The following CLNK variants were observed in gnomAD, a reference collection of about 807,000 sequenced individuals.
CLNK encodes cytokine dependent hematopoietic cell linker, also known as cytokine-dependent hematopoietic cell linker.
Under a neutral mutation model 68.6 loss-of-function variants are expected in CLNK, and 74 were observed. The ratio of observed to expected loss-of-function variants is 1.08; its 90% confidence interval spans 0.89 to 1.31. The LOEUF (loss-of-function observed/expected upper bound fraction) is 1.31. Among genes scored for constraint, CLNK ranks in the 50% most tolerant of loss-of-function variants. CLNK has a pLI of 0.00. For synonymous variants in CLNK, 198 were observed against 172.2 expected (o/e 1.15, Z -1.17); for missense variants, 553 against 515.3 (o/e 1.07, Z -0.71).
the CLNK span, among the ~76,000 whole-genome samples, chr4:10,706,769 C>T: frequency 1.3e-5 from 2 of 152,130 alleles, no homozygotes; most frequent in Non-Finnish European, 2.9e-5. Flanking sequence ...GGCCAAGCCA[C>T]CCTGCCTTGC....
At chr4:10,693,478 G>A in the CLNK span, among the ~76,000 whole-genome samples, 42,700 of 152,140 alleles carry the variant, frequency 0.28, 6,334 homozygotes, top group Admixed American at 0.33. Context: ...TTGGAGGTAT[G>A]TGGCCACAAG....
At chr4:10,671,000 A>G (rs1724607357) in intron 1 of CLNK, among the ~76,000 whole-genome samples, 1 of 152,262 alleles carries the variant, frequency 6.6e-6, no homozygotes, top group Non-Finnish European at 1.5e-5. Context: ...AAAGTTAAAA[A>G]TATTAGTAGC....
intron 1 of CLNK, among the ~76,000 whole-genome samples, chr4:10,684,437 T>G (rs1054547221): frequency 6.6e-6 from 1 of 152,200 alleles, no homozygotes; most frequent in Non-Finnish European, 1.5e-5. Flanking sequence ...ACATTTAGTC[T>G]TTTAATTTTC....
In CLNK at chr4:10,617,638, C is replaced by A. The variant is rs560832633; in HGVS notation, c.12-19589G>T. ...AAAAATAAAGGCTTTAGCTAGTGAT[C>A]CATGAGCCAAGCCAGACTTTTGAAG... is the stretch of plus-strand genomic sequence containing the variant. On this transcript the variant is annotated intron_variant, in intron 2 of 18. Coordinates refer to ENST00000226951, the MANE Select transcript of CLNK (RefSeq NM_052964.4). Among the ~76,000 whole-genome samples the A allele has an allele frequency of 5.3e-5, 8 of 152,332 alleles. No homozygotes were observed. The East Asian group carries it at 1.2e-3, about 22-fold the overall frequency.
At chr4:10,696,963 CA>C in the CLNK span, among the ~76,000 whole-genome samples, 1 of 152,160 alleles carries the variant, frequency 6.6e-6, no homozygotes, top group Non-Finnish European at 1.5e-5. Context: ...GCATTCTAAA[CA>C]AATTCTCCTG....
chr4:10,610,608 G>T (rs1366501497), intron 2 of CLNK, among the ~76,000 whole-genome samples: 1 of 152,018 alleles, frequency 6.6e-6, no homozygotes, highest in Non-Finnish European at 1.5e-5. Context: ...ACTGTCAAGA[G>T]ATGTAGCTTT....
At chr4:10,712,430 G>T in the CLNK span, among the ~76,000 whole-genome samples, 1 of 152,110 alleles carries the variant, frequency 6.6e-6, no homozygotes. Flanking sequence ...AACCACCCTG[G>T]CTCATTTCTG....
chr4:10,632,293 C>G (rs1057464717), intron 2 of CLNK, among the ~76,000 whole-genome samples: 2 of 152,212 alleles, frequency 1.3e-5, no homozygotes, highest in Admixed American at 6.5e-5. Flanking sequence ...CCACCTCTCT[C>G]CATCTGACCT....
chr4:10,626,580 A>T (rs1253577679), intron 2 of CLNK, among the ~76,000 whole-genome samples: 2 of 152,224 alleles, frequency 1.3e-5, no homozygotes, highest in African/African-American at 4.8e-5. Flanking sequence ...GTACAAGAAA[A>T]AAACAGGAAA....
intron 2 of CLNK, among the ~76,000 whole-genome samples, chr4:10,656,343 A>G (rs1328916550): frequency 6.6e-6 from 1 of 151,688 alleles, no homozygotes; most frequent in African/African-American, 2.4e-5. Context: ...AAAAAAAAAA[A>G]AAAAAAAAAT....
At chr4:10,645,908 T>C (rs1462299477) in intron 2 of CLNK, among the ~76,000 whole-genome samples, 1 of 152,198 alleles carries the variant, frequency 6.6e-6, no homozygotes, top group Non-Finnish European at 1.5e-5. Flanking sequence ...GATTTTTTAA[T>C]GGGCTTGTGA....
At chr4:10,570,155 T>C (rs1207458441) in intron 5 of CLNK, among the ~76,000 whole-genome samples, 3 of 152,236 alleles carry the variant, frequency 2.0e-5, no homozygotes, top group Non-Finnish European at 4.4e-5. Context: ...GCCATTTACA[T>C]ACTGTTACGG....
chr4:10,605,787 C>A lies in CLNK; in HGVS notation c.12-7738G>T, dbSNP rs367635827. ...AGGTTGCAGTGAGCTGAGATCACAC[C>A]ACTGCACTGTAGCCTGGGGACAGAG... is the stretch of plus-strand genomic sequence containing the variant. On this transcript the variant is annotated intron_variant, in intron 2 of 18. Transcript: ENST00000226951. Among the ~76,000 whole-genome samples the A allele has an allele frequency of 6.9e-5, 9 of 131,224 alleles. No individual in the cohort carries two copies. The East Asian group carries it at 1.8e-3, about 27-fold the overall frequency. The allele number at this position is 131,224 out of a possible 152,430, so 86.1% of individuals were successfully genotyped here. A position where few individuals can be genotyped will look rare whatever the true frequency, so the allele number is the denominator to read the frequency against.
At chr4:10,520,629 T>C (rs1718019147) in intron 15 of CLNK, among the ~76,000 whole-genome samples, 162 bp downstream of exon 15, 2 of 152,190 alleles carry the variant, frequency 1.3e-5, no homozygotes, top group African/African-American at 4.8e-5. Context: ...TATTTAATCA[T>C]GGAATAAAAT....
chr4:10,491,812 T>G (rs1716586600), intron 18 of CLNK, among the ~76,000 whole-genome samples: 1 of 152,134 alleles, frequency 6.6e-6, no homozygotes, highest in Non-Finnish European at 1.5e-5. Context: ...ATAAGTGGCT[T>G]TTGGTTACAT....
rs555779759 is a variant in CLNK, at chr4:10,633,447, A to C, written c.11+34412T>G. Among the ~76,000 whole-genome samples, 3 of 152,344 alleles carry C rather than the reference A, an allele frequency of 2.0e-5. No individual in the cohort carries two copies. In the East Asian group the frequency reaches 5.8e-4, roughly 29 times the overall value. On this transcript the variant is annotated intron_variant, in intron 2 of 18. Transcript: ENST00000226951. ...TTATTGAACGCTTACTCTGTGCCAG[A>C]TGATAGGTTAACGCTTCATCTACAT...
chr4:10,586,323 TTTC>T (rs1381999734), intron 3 of CLNK, among the ~76,000 whole-genome samples: 21 of 119,504 alleles, frequency 1.8e-4, no homozygotes, highest in Non-Finnish European at 2.6e-4. Context: ...TCTCTGAATC[TTTC>T]TTTTTTTTTC....
intron 8 of CLNK, among the ~76,000 whole-genome samples, chr4:10,550,279 G>T (rs1270687246): frequency 1.3e-5 from 2 of 152,146 alleles, no homozygotes; most frequent in Non-Finnish European, 2.9e-5. Flanking sequence ...GGATGACGAG[G>T]TCGGGAGATC....
intron 18 of CLNK, among the ~76,000 whole-genome samples, chr4:10,498,153 C>T (rs1306687945): frequency 2.0e-5 from 3 of 151,858 alleles, no homozygotes; most frequent in African/African-American, 7.3e-5. Context: ...CAAGATCACG[C>T]CATTGCATTC....
Sources: allele counts gnomAD v4.1 joint callset (sites outside exome capture counted in the v4.1 genomes callset), GRCh38; gene constraint gnomAD v4.1.1; transcripts MANE v1.5; gene names NCBI Gene and HGNC (gene_info 2026-07-23, HGNC 2026-07-21).